Variants in SH3KBP1 observed in about 807,000 individuals in gnomAD.
SH3KBP1 encodes SH3 domain containing kinase binding protein 1.
In SH3KBP1, 8 loss-of-function variants were observed where a neutral mutation model predicts 50.1. The observed-to-expected ratio is 0.16, with a 90% CI of 0.09 to 0.29. The LOEUF (loss-of-function observed/expected upper bound fraction) is 0.29. Among genes scored for constraint, SH3KBP1 ranks in the 10% least tolerant of loss-of-function variants. The pLI, the probability that SH3KBP1 is intolerant of heterozygous loss-of-function variation, is 1.00. For synonymous variants in SH3KBP1, 227 were observed against 218.6 expected (o/e 1.04, Z -0.34); for missense variants, 377 against 535.2 (o/e 0.70, Z 2.92).
At chrX:19,596,523 A>G (rs759692905) in intron 9 of SH3KBP1, among the ~76,000 whole-genome samples, 2 of 111,759 alleles carry the variant, frequency 1.8e-5, no homozygotes, top group Non-Finnish European at 3.8e-5. Context: ...AAAATAGGAC[A>G]ACAATGAAGT....
intron 3 of SH3KBP1, among the ~76,000 whole-genome samples, chrX:19,717,094 G>C (rs187552770): frequency 1.2e-4 from 13 of 110,929 alleles, no homozygotes; most frequent in Non-Finnish European, 2.3e-4. Context: ...GCAGAAGAAT[G>C]AAAGACACAG....
chrX:19,857,276 T>C (rs934415386), intron 1 of SH3KBP1, among the ~76,000 whole-genome samples: 2 of 110,339 alleles, frequency 1.8e-5, no homozygotes, highest in Admixed American at 9.8e-5. Flanking sequence ...ACTATAAATA[T>C]GTGTTCTCTG....
At chrX:19,742,331 A>G (rs7063033) in intron 3 of SH3KBP1, among the ~76,000 whole-genome samples, 18,216 of 109,352 alleles carry the variant, frequency 0.17, 1,186 homozygotes, top group African/African-American at 0.18. Context: ...GAGCTCCTGG[A>G]CTCAAGCAAT....
intron 1 of SH3KBP1, among the ~76,000 whole-genome samples, chrX:19,874,463 T>G (rs1400111573): frequency 2.7e-3 from 58 of 21,885 alleles, no homozygotes; most frequent in African/African-American, 4.8e-3. Context: ...GGTGTGGAGG[T>G]GTTGAGGGGT....
At chrX:19,726,400 T>G (rs190310548) in intron 3 of SH3KBP1, among the ~76,000 whole-genome samples, 159 of 111,878 alleles carry the variant, frequency 1.4e-3, no homozygotes, top group African/African-American at 4.9e-3. Flanking sequence ...CAGGGTTGTT[T>G]AAAGGACTGC....
chrX:19,819,974 A>G (rs2067477595), intron 2 of SH3KBP1, among the ~76,000 whole-genome samples: 1 of 111,156 alleles, frequency 9.0e-6, no homozygotes, highest in Non-Finnish European at 1.9e-5. Flanking sequence ...TGACCTGTGG[A>G]TTATTTAGAA....
chrX:19,670,939 C>T, intron 6 of SH3KBP1: 1 of 1,142,164 alleles, frequency 8.8e-7, no homozygotes, highest in South Asian at 2.1e-5. Context: ...CCTCCCACTT[C>T]CTTCCAACAG....
At chrX:19,833,995 T>TG (rs1440614075) in intron 2 of SH3KBP1, among the ~76,000 whole-genome samples, 1 of 111,142 alleles carries the variant, frequency 9.0e-6, no homozygotes, top group African/African-American at 3.3e-5. Flanking sequence ...TGTAGTACAG[T>TG]GGGGGGAAAG....
At chrX:19,557,397 C>T (rs1053953876) in intron 13 of SH3KBP1, among the ~76,000 whole-genome samples, 1 of 111,983 alleles carries the variant, frequency 8.9e-6, no homozygotes, top group Non-Finnish European at 1.9e-5. Context: ...GAGGGAGATA[C>T]AGTGTTTATT....
At chrX:19,577,826 A>T (rs2066249239) in intron 12 of SH3KBP1, among the ~76,000 whole-genome samples, 1 of 111,551 alleles carries the variant, frequency 9.0e-6, no homozygotes, top group African/African-American at 3.3e-5. Flanking sequence ...ATTGCTACTG[A>T]ACCAGAGTCC....
At chrX:19,862,662 CA>C (rs111471978) in intron 1 of SH3KBP1, among the ~76,000 whole-genome samples, 55 of 100,249 alleles carry the variant, frequency 5.5e-4, no homozygotes, top group East Asian at 1.6e-3. Context: ...TATTTTGGTG[CA>C]AAAAAAAAAA....
intron 2 of SH3KBP1, among the ~76,000 whole-genome samples, chrX:19,749,982 G>A (rs2078121391): frequency 9.0e-6 from 1 of 111,614 alleles, no homozygotes; most frequent in African/African-American, 3.3e-5. Flanking sequence ...GACCCAGGGG[G>A]CTAAGCAAAC....
rs1018796980 is a variant in SH3KBP1 at position 19,886,068 on chromosome X, C to T, written c.4+1239G>A. Among the ~76,000 whole-genome samples the T allele has an allele frequency of 4.5e-5, 5 of 111,854 alleles. No individual in the cohort carries two copies. The Admixed American group carries it at 4.7e-4, about 11-fold the overall frequency. On this transcript the variant is annotated intron_variant, in intron 1 of 17. Transcript: ENST00000397821. The stretch of plus-strand genomic sequence containing the variant: ...AAAATGGAACAGGAACCAATTTAGA[C>T]TACAGGTGGGAGAGAAGGGCACTGT...
At chrX:19,812,665 C>CAA (rs57012379) in intron 2 of SH3KBP1, among the ~76,000 whole-genome samples, 41 of 35,279 alleles carry the variant, frequency 1.2e-3, no homozygotes, top group East Asian at 6.0e-3. Flanking sequence ...CCCGTCTCTA[C>CAA]AAAAAAAAAA....
chrX:19,734,104 A>G (rs1025795606), intron 3 of SH3KBP1, among the ~76,000 whole-genome samples: 3 of 112,591 alleles, frequency 2.7e-5, no homozygotes, highest in African/African-American at 9.7e-5. Context: ...AAAACTGGAA[A>G]CATAAATGGA....
chrX:19,629,761 A>G (rs188668060), intron 8 of SH3KBP1, among the ~76,000 whole-genome samples: 1 of 112,601 alleles, frequency 8.9e-6, no homozygotes, highest in Admixed American at 9.4e-5. Flanking sequence ...AGTGTACAGC[A>G]GAGATGACAA....
intron 7 of SH3KBP1, among the ~76,000 whole-genome samples, chrX:19,642,723 G>A (rs2061889100): frequency 9.0e-6 from 1 of 111,531 alleles, no homozygotes; most frequent in African/African-American, 3.3e-5. Flanking sequence ...TGAATATTTA[G>A]ACAGTTTTCC....
intron 6 of SH3KBP1, among the ~76,000 whole-genome samples, chrX:19,657,602 C>T (rs1443242007): frequency 9.3e-6 from 1 of 108,097 alleles, no homozygotes; most frequent in Non-Finnish European, 1.9e-5. Flanking sequence ...GTGGCATGCA[C>T]CTGTAATCCC....
At chrX:19,692,440 T>C (rs1465900052) in intron 5 of SH3KBP1, among the ~76,000 whole-genome samples, 1 of 110,368 alleles carries the variant, frequency 9.1e-6, no homozygotes, top group Non-Finnish European at 1.9e-5. Context: ...CTTATAAATA[T>C]AATGCCAATG....
Sources: gnomAD v4.1 joint callset for allele counts (sites outside exome capture counted in the v4.1 genomes callset) on GRCh38, gnomAD v4.1.1 for gene constraint, MANE v1.5 for transcripts, NCBI Gene and HGNC (gene_info 2026-07-23, HGNC 2026-07-21) for gene names.